ABCA8: variants seen among roughly 807,000 people sequenced by gnomAD.
ABCA8 encodes ABC-type organic anion transporter ABCA8.
ABCA8 carries 177 observed loss-of-function variants against 192.3 expected under a neutral mutation model. That is an observed-to-expected ratio of 0.92 (90% confidence interval 0.81 to 1.04). ABCA8 has a LOEUF of 1.04. Among genes scored for constraint, ABCA8 ranks in the 50% least tolerant of loss-of-function variants. The pLI is 0.00. For missense variants in ABCA8, 1,915 were observed against 1,904.8 expected, an observed-to-expected ratio of 1.01 and a Z score of -0.10; for synonymous variants, 642 against 690.2, an observed-to-expected ratio of 0.93 and a Z score of 1.09.
chr17:68,937,056 G>C lies in ABCA8; in HGVS notation c.361C>G (p.Pro121Ala), dbSNP rs768470778. 1 of 1,610,346 alleles carries C rather than the reference G, an allele frequency of 6.2e-7. No homozygotes were observed. Among genetic ancestry groups the C allele is most frequent in the Admixed American group, 1.7e-5 (1 of 59,364 alleles). Residue 121 changes from proline (P) to alanine (A), a missense_variant, in exon 5 of 40, where the codon CCT becomes GCT. Physicochemically the swap from Pro to Ala is conservative, Grantham distance 27 (BLOSUM62 -1). Transcript: ENST00000586539. ...AAGGTGACTCTTACTATTTCTTCAG[G>C]ATAATTTGCTGTGAATTCTTTAATA... ...ESIKEFTANY[P>A]EEIVRVTFTN... is the part of the protein sequence containing the mutation.
chr17:68,869,895 CA>C, intron 37 of ABCA8, 116 bp from the exon 38 acceptor site: 1 of 696,892 alleles, frequency 1.4e-6, no homozygotes, highest in South Asian at 1.8e-5. Context: ...GAACATTTAA[CA>C]TGAGATCTAC....
At chr17:68,877,827 G>A in intron 32 of ABCA8, 148 bp from the exon 33 acceptor site, 1 of 810,402 alleles carries the variant, frequency 1.2e-6, no homozygotes, top group Non-Finnish European at 1.8e-6. Context: ...TTGCATTGGA[G>A]AAAGGTTGTC....
At chr17:68,952,864 A>G (rs911556943) in intron 1 of ABCA8, among the ~76,000 whole-genome samples, 1 of 152,220 alleles carries the variant, frequency 6.6e-6, no homozygotes, top group African/African-American at 2.4e-5. Context: ...AGCATGTTCA[A>G]TCTTGAGCAA....
chr17:68,872,494 G>T lies in ABCA8; in HGVS notation c.4632-2715C>A, dbSNP rs1276919140. Among the ~76,000 whole-genome samples, 12 of 150,622 alleles carry T rather than the reference G, an allele frequency of 8.0e-5. No homozygotes were observed. In the East Asian group the frequency reaches 2.2e-3, roughly 27 times the overall value. Reference sequence around the variant, plus strand: ...CTAATGCTAGATGACGAGTTAGTGGGTGCAGCGCACCAGCATGGCACATGT... The same window carrying T: ...CTAATGCTAGATGACGAGTTAGTGGTTGCAGCGCACCAGCATGGCACATGT... On this transcript the variant is annotated intron_variant, in intron 37 of 39. Coordinates refer to ENST00000586539, the MANE Select transcript of ABCA8 (RefSeq NM_001288985.2).
intron 21 of ABCA8, among the ~76,000 whole-genome samples, chr17:68,902,343 T>C (rs1034192825): frequency 6.6e-6 from 1 of 152,162 alleles, no homozygotes; most frequent in Non-Finnish European, 1.5e-5. Context: ...TATGGGGTGA[T>C]GAAAATATTC....
chr17:68,895,485 CAAATT>C (rs979291033), intron 21 of ABCA8, among the ~76,000 whole-genome samples: 3 of 152,138 alleles, frequency 2.0e-5, no homozygotes, highest in Non-Finnish European at 4.4e-5. Flanking sequence ...AAAAAACCAA[CAAATT>C]AAAATGTTTT....
In ABCA8 at chr17:68,895,008, T is replaced by G. The variant is rs1198815400; in HGVS notation, c.2770A>C (p.Ser924Arg). ...QLLIINKTGA[S>R]IDDFIQSVEH... ...ACAGACTGTATAAAGTCATCAATGC[T>G]TGCCCCTAAGGTGTAGTTAAAGATA... The change falls in exon 22 of 40, where the codon AGC becomes CGC. Residue 924 changes from serine to arginine, a missense_variant. By Grantham distance (110) the Ser-to-Arg change is moderately radical. Coordinates refer to ENST00000586539, the MANE Select transcript of ABCA8 (RefSeq NM_001288985.2). 6.2e-7 allele frequency: 1 copy of G among 1,607,288 alleles called. No individual in the cohort carries two copies. Among genetic ancestry groups the G allele is most frequent in the Non-Finnish European group, 8.5e-7 (1 of 1,177,772 alleles).
At chr17:68,869,301 A>G (rs1283401228) in intron 38 of ABCA8, among the ~76,000 whole-genome samples, 2 of 152,284 alleles carry the variant, frequency 1.3e-5, no homozygotes, top group East Asian at 1.9e-4. Context: ...ATGACCAGAC[A>G]GGAGTCAGTT....
At chr17:68,928,497 A>G (rs2067762876) in intron 9 of ABCA8, among the ~76,000 whole-genome samples, 2 of 152,214 alleles carry the variant, frequency 1.3e-5, no homozygotes, top group Non-Finnish European at 1.5e-5. Context: ...GTTCAAGTTA[A>G]TGAGCTCTTT....
At position 68,887,896 on chromosome 17, in the gene ABCA8, A is replaced by ATATATATATATC. The variant is rs2066512535; in HGVS notation, c.3145-402_3145-391dup. On this transcript the variant is annotated intron_variant, in intron 24 of 39. Coordinates refer to ENST00000586539, the MANE Select transcript of ABCA8 (RefSeq NM_001288985.2). ...TTCTCTCCTCCATATATATATATAT[A>ATATATATATATC]TATATATATATCCATATATATATAT... is the stretch of plus-strand genomic sequence containing the variant. 9.0e-5 allele frequency among the ~76,000 whole-genome samples: 4 copies of ATATATATATATC among 44,324 alleles called. No homozygotes were observed. In the South Asian group the frequency reaches 3.7e-3, roughly 42 times the overall value. The allele number at this position is 44,324 out of a possible 152,430, so 29.1% of individuals were successfully genotyped here.
Position 68,918,049 on chromosome 17 carries a change from G to T in ABCA8, c.2045C>A (p.Ala682Glu). The change falls in exon 16 of 40, where the codon GCG becomes GAG. Residue 682 changes from alanine (A) to glutamate (E), a missense_variant and splice_region_variant. By Grantham distance (107) the Ala-to-Glu change is moderately radical. Coordinates refer to ENST00000586539, the MANE Select transcript of ABCA8 (RefSeq NM_001288985.2). ...TQFMDEADIL[A>E]DRKVFLSQGK... Reference sequence around the variant, plus strand: ...ACTTAACAGAAACCAGTGATTACCCGCCAGGATGTCGGCCTCATCCATGAA... The same window carrying T: ...ACTTAACAGAAACCAGTGATTACCCTCCAGGATGTCGGCCTCATCCATGAA... 6.2e-7 allele frequency: 1 copy of T among 1,613,788 alleles called. No individual in the cohort carries two copies. The highest frequency in any genetic ancestry group is 1.7e-4 in the Middle Eastern group (1 of 6,054).
At chr17:68,925,015 A>G in intron 10 of ABCA8, 146 bp from the exon 11 acceptor site, 1 of 659,856 alleles carries the variant, frequency 1.5e-6, no homozygotes, top group Non-Finnish European at 2.4e-6. Context: ...TGACACATGT[A>G]GCTTCATAAG....
intron 10 of ABCA8, among the ~76,000 whole-genome samples, chr17:68,926,921 G>A (rs564234073): frequency 6.6e-6 from 1 of 152,254 alleles, no homozygotes; most frequent in East Asian, 1.9e-4. Context: ...AACGCAGAAG[G>A]GAGAATCAGG....
chr17:68,875,818 G>A (rs2066189663), intron 35 of ABCA8, 85 bp from the exon 36 acceptor site: 1 of 1,452,034 alleles, frequency 6.9e-7, no homozygotes, highest in Non-Finnish European at 9.3e-7. Context: ...TAACTGGCAT[G>A]CGTGTGAATA....
Position 68,940,737 on chromosome 17 carries a change from TTAAG to T in ABCA8, c.301+17_301+20del, listed in dbSNP as rs2068201573. The T allele has an allele frequency of 1.3e-6, 2 of 1,589,796 alleles. No individual in the cohort carries two copies. Among genetic ancestry groups the T allele is most frequent in the Admixed American group, 3.3e-5 (2 of 59,792 alleles). ...CAAATATTCACACCAGACATTCTTC[TTAAG>T]TAACTAGAAAACTTACCTGCCAGGA... is the stretch of plus-strand genomic sequence containing the variant. On this transcript the variant is annotated intron_variant, in intron 4 of 39. Coordinates refer to ENST00000586539, the MANE Select transcript of ABCA8 (RefSeq NM_001288985.2).
rs1567863678 is a variant in ABCA8, at chr17:68,922,190, CTCT to C, written c.1501+49_1501+51del. On this transcript the variant is annotated intron_variant, in intron 12 of 39. Coordinates refer to ENST00000586539, the MANE Select transcript of ABCA8 (RefSeq NM_001288985.2). Reference sequence around the variant, plus strand: ...AATATAACAAATATTTTCTTTCTCTCTCTCTTTTTTTTTTTTTTTTTTTTTTTT... The same window carrying C: ...AATATAACAAATATTTTCTTTCTCTCCTTTTTTTTTTTTTTTTTTTTTTTT... 57 of 639,726 alleles carry C rather than the reference CTCT, an allele frequency of 8.9e-5. 3 individuals are homozygous for C. The East Asian group carries it at 3.4e-3, about 38-fold the overall frequency. 39.6% of individuals were successfully genotyped at this position (639,726 alleles called of 1,614,324 possible).
At chr17:68,898,738 A>G (rs753277636) in intron 21 of ABCA8, among the ~76,000 whole-genome samples, 1 of 152,160 alleles carries the variant, frequency 6.6e-6, no homozygotes, top group African/African-American at 2.4e-5. Flanking sequence ...AGGACATCAC[A>G]TAAGATGATA....
rs1255718286 is a variant in ABCA8, at chr17:68,911,018, G to A, written c.2139-3139C>T. 6.6e-6 allele frequency among the ~76,000 whole-genome samples: 1 copy of A among 152,184 alleles called. No homozygotes were observed. The highest frequency in any genetic ancestry group is 1.5e-5 in the Non-Finnish European group (1 of 68,036). ...GGTTTGACCTAGCACATTCCCAGCT[G>A]TGATGGCTGTGGGGAGAGACTTTCT... On this transcript the variant is annotated intron_variant, in intron 17 of 39. Transcript: ENST00000586539. The surrounding 1 kb of genome is among the most constrained non-coding windows in gnomAD (Gnocchi z 5.7).
chr17:68,881,688 T>C (rs1425624183), intron 31 of ABCA8, among the ~76,000 whole-genome samples, 175 bp downstream of exon 31: 1 of 152,244 alleles, frequency 6.6e-6, no homozygotes, highest in Non-Finnish European at 1.5e-5. Flanking sequence ...TAGGCTCCTC[T>C]TTGTGAGGTG....
Sources: allele counts gnomAD v4.1 joint callset (sites outside exome capture counted in the v4.1 genomes callset), GRCh38; gene constraint gnomAD v4.1.1; non-coding constraint Gnocchi (gnomAD v3.1); transcripts MANE v1.5; gene names NCBI Gene and HGNC (gene_info 2026-07-23, HGNC 2026-07-21).